DENND1B: variants seen among roughly 807,000 people sequenced by gnomAD.
DENND1B encodes the protein DENN domain-containing protein 1B.
A neutral mutation model predicts 90.1 loss-of-function variants in DENND1B; 59 were observed. The ratio of observed to expected loss-of-function variants is 0.65; its 90% CI spans 0.53 to 0.81. DENND1B has a LOEUF of 0.81. Ranked by LOEUF, DENND1B falls within the 40% of genes least tolerant of loss-of-function variation. DENND1B has a pLI of 0.00. For synonymous variants in DENND1B, 337 were observed against 324.6 expected, an observed-to-expected ratio of 1.04 and a Z score of -0.41; for missense variants, 862 against 912.6, an observed-to-expected ratio of 0.94 and a Z score of 0.71.
At chr1:197,627,221 C>T (rs537211300) in intron 10 of DENND1B, among the ~76,000 whole-genome samples, 1 of 151,558 alleles carries the variant, frequency 6.6e-6, no homozygotes, top group Non-Finnish European at 1.5e-5. Context: ...CAGAGACACA[C>T]CGAAAAAAGA....
At chr1:197,706,318 G>A (rs1019438163) in intron 3 of DENND1B, among the ~76,000 whole-genome samples, 6 of 152,254 alleles carry the variant, frequency 3.9e-5, no homozygotes, top group South Asian at 4.1e-4. Flanking sequence ...GGAATAATGC[G>A]TGAAGCTAGT....
At chr1:197,527,454 G>T (rs1005476291) in intron 20 of DENND1B, among the ~76,000 whole-genome samples, 2 of 151,734 alleles carry the variant, frequency 1.3e-5, no homozygotes, top group Admixed American at 6.6e-5. Flanking sequence ...GGCTAATTTT[G>T]TATTTTTAGT....
intron 2 of DENND1B, among the ~76,000 whole-genome samples, chr1:197,763,655 T>C (rs1655369450): frequency 6.6e-6 from 1 of 152,232 alleles, no homozygotes. Flanking sequence ...ATTTTGAATA[T>C]GAAGTAAAAC....
At chr1:197,619,927 T>C (rs1385918899) in intron 10 of DENND1B, among the ~76,000 whole-genome samples, 1 of 151,196 alleles carries the variant, frequency 6.6e-6, no homozygotes, top group Non-Finnish European at 1.5e-5. Flanking sequence ...TTGGCAACTT[T>C]CTGGATGTGG....
At chr1:197,528,589 G>A (rs1016604937) in intron 20 of DENND1B, among the ~76,000 whole-genome samples, 12 of 152,078 alleles carry the variant, frequency 7.9e-5, no homozygotes, top group Non-Finnish European at 1.8e-4. Context: ...GGCCGGGCGC[G>A]GTGACTCACG....
chr1:197,736,145 TAAAAA>T, intron 2 of DENND1B: 1 of 502,532 alleles, frequency 2.0e-6, no homozygotes, highest in East Asian at 3.5e-5. Flanking sequence ...ATATTGGACT[TAAAAA>T]AAAAAAAAGA....
intron 11 of DENND1B, among the ~76,000 whole-genome samples, chr1:197,614,837 A>G (rs1313757415): frequency 6.6e-6 from 1 of 151,066 alleles, no homozygotes; most frequent in African/African-American, 2.4e-5. Context: ...TGACTCAACC[A>G]TTCATGAACA....
In DENND1B at chr1:197,511,764, G is replaced by C. The variant is rs34213899; in HGVS notation, c.1779C>G (p.Phe593Leu). The part of the protein sequence containing the change: ...GKLAAAKSLD[F>L]FRSMDDIDYK... ...AATCAATGTCATCCATTGATCTAAA[G>C]AAATCCAAGCTCTTTGCAGCTGCCA... is the stretch of plus-strand genomic sequence containing the variant. The change falls in exon 22 of 23, where the codon TTC becomes TTG. Residue 593 changes from phenylalanine to leucine, a missense_variant. Transcript: ENST00000620048. 12 of 1,610,176 alleles carry C rather than the reference G, an allele frequency of 7.5e-6. No homozygotes were observed. In the African/African-American group the frequency reaches 1.3e-4, roughly 18 times the overall value.
intron 13 of DENND1B, among the ~76,000 whole-genome samples, chr1:197,600,451 A>AT (rs760105069): frequency 4.0e-5 from 6 of 151,656 alleles, no homozygotes; most frequent in Non-Finnish European, 7.4e-5. Flanking sequence ...GGATATGAAT[A>AT]CCCCTCTGTG....
chr1:197,512,923 C>A lies in DENND1B; in HGVS notation c.1546G>T (p.Asp516Tyr). The A allele has an allele frequency of 6.2e-7, 1 of 1,610,526 alleles. No individual in the cohort carries two copies. The highest frequency in any genetic ancestry group is 8.5e-7 in the Non-Finnish European group (1 of 1,177,930). The change falls in exon 21 of 23, where the codon GAT (aspartate) becomes TAT (tyrosine). Residue 516 changes from aspartate (D) to tyrosine (Y), a missense_variant. By Grantham distance (160) the Asp-to-Tyr change is radical (BLOSUM62 -3). Transcript: ENST00000620048. ...TCTTCATCATCATATAGAGCACCAT[C>A]AAGGCTCTTAAGAGGCCTTTTTAAG... is the stretch of plus-strand genomic sequence containing the variant. ...ARLKRPLKSL[D>Y]GALYDDEDDD...
chr1:197,740,993 A>C (rs946102879), intron 2 of DENND1B, among the ~76,000 whole-genome samples: 4 of 152,218 alleles, frequency 2.6e-5, no homozygotes, highest in African/African-American at 9.6e-5. Context: ...TCAAAAGATA[A>C]AAATCCTTCT....
chr1:197,719,052 G>C (rs369393600), intron 2 of DENND1B, among the ~76,000 whole-genome samples: 1 of 152,046 alleles, frequency 6.6e-6, no homozygotes, highest in Non-Finnish European at 1.5e-5. Context: ...CTGAAGAATG[G>C]CAACTATATT....
chr1:197,667,912 G>A (rs1392263775), intron 5 of DENND1B, among the ~76,000 whole-genome samples: 1 of 151,948 alleles, frequency 6.6e-6, no homozygotes, highest in East Asian at 1.9e-4. Context: ...CAGAGTTTTA[G>A]AGCAGGAAAA....
At chr1:197,594,029 C>G (rs1675470424) in intron 14 of DENND1B, among the ~76,000 whole-genome samples, 1 of 152,090 alleles carries the variant, frequency 6.6e-6, no homozygotes, top group African/African-American at 2.4e-5. Context: ...TAACTATGAA[C>G]AACTTTTTAA....
chr1:197,616,075 A>T (rs1474989666), intron 11 of DENND1B, among the ~76,000 whole-genome samples: 2 of 151,022 alleles, frequency 1.3e-5, no homozygotes, highest in Admixed American at 6.6e-5. Flanking sequence ...AGATAATTGA[A>T]CTTAATTAAA....
At chr1:197,585,105 A>T (rs1030684653) in intron 14 of DENND1B, among the ~76,000 whole-genome samples, 3 of 152,194 alleles carry the variant, frequency 2.0e-5, no homozygotes, top group Non-Finnish European at 4.4e-5. Context: ...TTTATAATCT[A>T]TCGGAGGAAG....
chr1:197,702,369 T>C (rs1423337013), intron 3 of DENND1B, among the ~76,000 whole-genome samples: 1 of 152,182 alleles, frequency 6.6e-6, no homozygotes, highest in Non-Finnish European at 1.5e-5. Context: ...TTTCCAAATG[T>C]ATACAAGTTA....
At chr1:197,741,013 T>C (rs143831506) in intron 2 of DENND1B, among the ~76,000 whole-genome samples, 1 of 152,248 alleles carries the variant, frequency 6.6e-6, no homozygotes, top group East Asian at 1.9e-4. Flanking sequence ...TGTATTTTGA[T>C]CAGAAAAGCA....
chr1:197,707,667 T>C (rs1229093680), intron 3 of DENND1B, among the ~76,000 whole-genome samples: 1 of 144,874 alleles, frequency 6.9e-6, no homozygotes, highest in Non-Finnish European at 1.5e-5. Context: ...TATACATATA[T>C]AATATAATAA....
Sources: gnomAD v4.1 joint callset for allele counts (sites outside exome capture counted in the v4.1 genomes callset) on GRCh38, gnomAD v4.1.1 for gene constraint, MANE v1.5 for transcripts, NCBI Gene and HGNC (gene_info 2026-07-23, HGNC 2026-07-21) for gene names.